The following PLEKHH2 variants were observed in gnomAD, a reference collection of about 807,000 sequenced individuals.
The protein encoded by PLEKHH2 is pleckstrin homology, MyTH4 and FERM domain containing H2, also known as pleckstrin homology domain-containing family H member 2.
A neutral mutation model predicts 187.9 loss-of-function variants in PLEKHH2; 129 were observed. The observed-to-expected ratio is 0.69, with a 90% CI of 0.59 to 0.79. PLEKHH2 has a LOEUF of 0.79. Ranked by LOEUF, PLEKHH2 falls within the 30% of genes least tolerant of loss-of-function variation. The pLI is 0.00. For synonymous variants in PLEKHH2, 686 were observed against 605.6 expected (o/e 1.13, Z -1.95); for missense variants, 2,076 against 1,751.2 (o/e 1.19, Z -3.31).
chr2:43,733,414 T>TC (rs1671143429), intron 19 of PLEKHH2, among the ~76,000 whole-genome samples: 1 of 150,552 alleles, frequency 6.6e-6, no homozygotes, highest in African/African-American at 2.4e-5. Flanking sequence ...CCCTTTCTCC[T>TC]CCACTCCTCC....
chr2:43,755,144 A>T (rs1672165245), intron 25 of PLEKHH2, among the ~76,000 whole-genome samples: 1 of 152,140 alleles, frequency 6.6e-6, no homozygotes, highest in East Asian at 1.9e-4. Flanking sequence ...AAGTGCTAGG[A>T]TTACAGGCGT....
At chr2:43,658,802 G>A (rs911293792) in intron 2 of PLEKHH2, 2 of 152,112 alleles carry the variant, frequency 1.3e-5, no homozygotes, top group Non-Finnish European at 2.9e-5. Flanking sequence ...ACAATATCCT[G>A]TTGGTTGCAA....
At chr2:43,724,578 C>G (rs985373885) in intron 16 of PLEKHH2, among the ~76,000 whole-genome samples, 1 of 152,110 alleles carries the variant, frequency 6.6e-6, no homozygotes, top group Non-Finnish European at 1.5e-5. Context: ...GTTTTTCTTA[C>G]CCTTAAGATG....
In PLEKHH2 at chr2:43,645,584, G is replaced by C. The variant is rs77690954; in HGVS notation, c.123+788G>C. On this transcript the variant is annotated intron_variant, in intron 2 of 29. Transcript: ENST00000282406. ...TGTTGTAAAAGTAGAATAAATACAG[G>C]ATTTCAAAGTTTTAGCATGAAAGAA... Among the ~76,000 whole-genome samples the C allele has an allele frequency of 9.3e-4, 141 of 152,124 alleles. 1 individual carries two copies. Among genetic ancestry groups the C allele is most frequent in the South Asian group, 8.3e-3 (40 of 4,812 alleles).
chr2:43,655,767 T>A (rs950681562), intron 2 of PLEKHH2, among the ~76,000 whole-genome samples: 3 of 152,168 alleles, frequency 2.0e-5, no homozygotes, highest in Non-Finnish European at 2.9e-5. Context: ...ATTTTTCGTC[T>A]GGGAGAGTAA....
chr2:43,696,078 G>A (rs1052803297), intron 6 of PLEKHH2, among the ~76,000 whole-genome samples: 2 of 152,152 alleles, frequency 1.3e-5, no homozygotes, highest in African/African-American at 2.4e-5. Flanking sequence ...CAGTCAGTTA[G>A]GAGAATCAAT....
At position 43,765,415 on chromosome 2, in the gene PLEKHH2, T is replaced by C; in HGVS notation, c.4299T>C (p.Ile1433=). 6.2e-7 allele frequency: 1 copy of C among 1,613,866 alleles called. No individual in the cohort carries two copies. Among genetic ancestry groups the C allele is most frequent in the East Asian group, 2.2e-5 (1 of 44,880 alleles). ...CAATTCTGTTTTCCTTGTTTTAGAT[T>C]CTTGAAATCACTCTTTTGATCGCCA... ...KLLFAMAKPK[I]LEITLLIASY... is the part of the protein sequence containing the mutation. Residue 1433 remains isoleucine (I), a splice_region_variant and synonymous_variant, in exon 30 of 30, where the codon ATT becomes ATC. Transcript: ENST00000282406.
chr2:43,682,874 A>G (rs772203666), intron 3 of PLEKHH2, among the ~76,000 whole-genome samples: 16 of 151,986 alleles, frequency 1.1e-4, no homozygotes, highest in African/African-American at 2.2e-4. Context: ...TGTTTTTGAT[A>G]TTTATCCACG....
Position 43,765,751 on chromosome 2 carries a change from A to T in PLEKHH2, c.*153A>T. The T allele has an allele frequency of 1.5e-6, 1 of 657,756 alleles. No individual in the cohort carries two copies. The highest frequency in any genetic ancestry group is 2.3e-6 in the Non-Finnish European group (1 of 425,668). The allele number at this position is 657,756 out of a possible 1,614,324, so 40.7% of individuals were successfully genotyped here. On this transcript the variant is annotated 3_prime_UTR_variant, in exon 30 of 30. Coordinates refer to ENST00000282406, the MANE Select transcript of PLEKHH2 (RefSeq NM_172069.4). ...GGTTAGTCTCTTTTATTTGATTCTT[A>T]AATATTCAAATAAATATTAACAGTA...
chr2:43,742,611 C>CA, intron 21 of PLEKHH2, 130 bp from the exon 22 acceptor site: 1 of 617,478 alleles, frequency 1.6e-6, no homozygotes, highest in Non-Finnish European at 2.4e-6. Context: ...TATTATCATT[C>CA]AAAAAAAGTT....
At chr2:43,722,079 T>C (rs1670508279) in intron 16 of PLEKHH2, among the ~76,000 whole-genome samples, 2 of 148,430 alleles carry the variant, frequency 1.3e-5, no homozygotes, top group Non-Finnish European at 3.0e-5. Flanking sequence ...TAGCAAAACC[T>C]AGTCTCTACT....
rs200196196 is a variant in PLEKHH2 at position 43,765,583 on chromosome 2, C to T, written c.4467C>T (p.Gly1489=). ...TGTCAAGCAGCAGACCGACCAAAGG[C>T]CCCACCTTACTCTGAAAGCTGGGGA... The part of the protein sequence containing the change: ...PLLSSSRPTK[G]PTLL Residue 1489 remains glycine (G), a synonymous_variant, in exon 30 of 30, where the codon GGC becomes GGT. Coordinates refer to ENST00000282406, the MANE Select transcript of PLEKHH2 (RefSeq NM_172069.4). The T allele has an allele frequency of 5.9e-5, 96 of 1,613,462 alleles. No individual in the cohort carries two copies. Among genetic ancestry groups the T allele is most frequent in the Non-Finnish European group, 8.0e-5 (94 of 1,179,854 alleles).
At chr2:43,675,630 T>G (rs1481409031) in intron 2 of PLEKHH2, 2 of 1,613,734 alleles carry the variant, frequency 1.2e-6, no homozygotes, top group Admixed American at 3.3e-5. Flanking sequence ...CTGCATTTTC[T>G]GCATGAACTC....
chr2:43,761,133 G>A (rs1179617384), intron 27 of PLEKHH2, among the ~76,000 whole-genome samples: 1 of 152,102 alleles, frequency 6.6e-6, no homozygotes, highest in Admixed American at 6.6e-5. Context: ...TTCTAACTCA[G>A]GGTTTTGTAT....
intron 2 of PLEKHH2, chr2:43,675,814 G>T: frequency 6.2e-7 from 1 of 1,613,934 alleles, no homozygotes; most frequent in Non-Finnish European, 8.5e-7. Context: ...AAATATAACA[G>T]TGTGGCCCAG....
At chr2:43,708,431 G>A (rs1221274776) in intron 11 of PLEKHH2, among the ~76,000 whole-genome samples, 1 of 152,096 alleles carries the variant, frequency 6.6e-6, no homozygotes, top group Non-Finnish European at 1.5e-5. Flanking sequence ...CCTCCAGCTG[G>A]TATTCTTCCC....
Position 43,645,528 on chromosome 2 carries a change from A to G in PLEKHH2, c.123+732A>G, listed in dbSNP as rs79254018. On this transcript the variant is annotated intron_variant, in intron 2 of 29. Coordinates refer to ENST00000282406, the MANE Select transcript of PLEKHH2 (RefSeq NM_172069.4). ...CACTAGCCACATGTGGATGTTCAAC[A>G]CTTCAGATAAGGCTAGTTCAAATTG... is the stretch of plus-strand genomic sequence containing the variant. Among the ~76,000 whole-genome samples the G allele has an allele frequency of 9.0e-3, 1,371 of 152,240 alleles. 19 individuals carry two copies. Among genetic ancestry groups the G allele is most frequent in the African/African-American group, 0.031 (1,309 of 41,556 alleles).
intron 7 of PLEKHH2, among the ~76,000 whole-genome samples, chr2:43,698,374 A>G (rs1489368241): frequency 6.6e-6 from 1 of 151,466 alleles, no homozygotes; most frequent in East Asian, 1.9e-4. Context: ...CAGCATCCCT[A>G]GTAGCCAGGA....
At chr2:43,697,446 T>C (rs1364058330) in intron 7 of PLEKHH2, 90 bp downstream of exon 7, 1 of 1,099,440 alleles carries the variant, frequency 9.1e-7, no homozygotes, top group East Asian at 2.7e-5. Context: ...TTAATTTTCC[T>C]TATTTTTTTC....
Sources: allele counts gnomAD v4.1 joint callset (sites outside exome capture counted in the v4.1 genomes callset), GRCh38; gene constraint gnomAD v4.1.1; transcripts MANE v1.5; gene names NCBI Gene and HGNC (gene_info 2026-07-23, HGNC 2026-07-21).